The following NR3C2 variants were observed in gnomAD, a reference collection of about 807,000 sequenced individuals.
The protein encoded by NR3C2 is mineralocorticoid receptor.
A neutral mutation model predicts 86.4 loss-of-function variants in NR3C2; 15 were observed. The ratio of observed to expected loss-of-function variants is 0.17; its 90% CI spans 0.12 to 0.27. The LOEUF (loss-of-function observed/expected upper bound fraction) is 0.27, where lower values mean the gene tolerates loss of function less well. NR3C2 is among the 10% of genes least tolerant of loss of function. NR3C2 has a pLI of 1.00. For synonymous variants in NR3C2, 458 were observed against 450.5 expected (o/e 1.02, Z -0.21); for missense variants, 960 against 1,195.6 (o/e 0.80, Z 2.91).
At chr4:148,371,359 T>C (rs1746413413) in intron 2 of NR3C2, among the ~76,000 whole-genome samples, 1 of 152,180 alleles carries the variant, frequency 6.6e-6, no homozygotes, top group Admixed American at 6.5e-5. Flanking sequence ...CTTATAATCA[T>C]ATAATAGAAG....
chr4:148,315,280 T>C (rs868311610), intron 2 of NR3C2, among the ~76,000 whole-genome samples: 3 of 152,156 alleles, frequency 2.0e-5, no homozygotes, highest in African/African-American at 7.2e-5. Context: ...CTCTTGGTGG[T>C]TGGAAGCTGT....
intron 2 of NR3C2, among the ~76,000 whole-genome samples, chr4:148,329,265 TTC>T (rs1261580655): frequency 6.6e-6 from 1 of 152,246 alleles, no homozygotes; most frequent in African/African-American, 2.4e-5. Flanking sequence ...ATCTTTCTTT[TTC>T]TGTTCTTTCT....
intron 2 of NR3C2, among the ~76,000 whole-genome samples, chr4:148,308,122 A>G (rs1433943555): frequency 2.7e-4 from 41 of 152,170 alleles, no homozygotes. Flanking sequence ...GTTCTTTACC[A>G]GAACCCAAGG....
chr4:148,284,457 G>A (rs747630675), intron 2 of NR3C2, among the ~76,000 whole-genome samples: 2 of 152,114 alleles, frequency 1.3e-5, no homozygotes, highest in Non-Finnish European at 2.9e-5. Flanking sequence ...GTCAAGACTA[G>A]GTACTCACGC....
At chr4:148,159,224 G>T (rs12648444) in intron 4 of NR3C2, among the ~76,000 whole-genome samples, 60,094 of 151,890 alleles carry the variant, frequency 0.4, 11,983 homozygotes, top group East Asian at 0.52. Context: ...TGAATAAATT[G>T]ACCTTATTTA....
At chr4:148,309,187 G>A (rs1413424659) in intron 2 of NR3C2, among the ~76,000 whole-genome samples, 1 of 151,982 alleles carries the variant, frequency 6.6e-6, no homozygotes, top group Non-Finnish European at 1.5e-5. Context: ...AGAAAAAGAA[G>A]AAAGAATAAG....
chr4:148,443,950 G>C (rs1476277416), upstream of NR3C2: 1 of 972,958 alleles, frequency 1.0e-6, no homozygotes. Context: ...CCGCGAGCTG[G>C]TCCTGACCCC....
chr4:148,261,316 A>G, intron 2 of NR3C2, among the ~76,000 whole-genome samples: 1 of 150,694 alleles, frequency 6.6e-6, no homozygotes. Flanking sequence ...CGCTATGGTA[A>G]GCGCTATGGT....
chr4:148,374,002 C>G (rs1041668042), intron 2 of NR3C2, among the ~76,000 whole-genome samples: 1 of 152,186 alleles, frequency 6.6e-6, no homozygotes, highest in Non-Finnish European at 1.5e-5. Flanking sequence ...AAGCCTTGCA[C>G]AGACCTCTAC....
intron 2 of NR3C2, among the ~76,000 whole-genome samples, chr4:148,361,092 C>T (rs779199047): frequency 5.9e-5 from 9 of 152,116 alleles, no homozygotes; most frequent in Non-Finnish European, 1.3e-4. Flanking sequence ...TATTCTAGCG[C>T]CTGATAATGA....
intron 3 of NR3C2, among the ~76,000 whole-genome samples, chr4:148,209,900 C>T (rs1327115308): frequency 1.3e-5 from 2 of 152,192 alleles, no homozygotes; most frequent in Non-Finnish European, 2.9e-5. Flanking sequence ...ATGATACTGG[C>T]CTGATCAATT....
At chr4:148,402,638 A>G (rs926711545) in intron 2 of NR3C2, among the ~76,000 whole-genome samples, 6 of 152,236 alleles carry the variant, frequency 3.9e-5, no homozygotes, top group African/African-American at 1.4e-4. Flanking sequence ...CAATCGCTAT[A>G]TAAGTCCTTG....
chr4:148,245,293 T>G (rs1739266021), intron 3 of NR3C2, among the ~76,000 whole-genome samples: 1 of 152,156 alleles, frequency 6.6e-6, no homozygotes. Context: ...TTACCAGATC[T>G]TAATTTTATA....
At chr4:148,393,156 C>T (rs1323050389) in intron 2 of NR3C2, among the ~76,000 whole-genome samples, 1 of 152,184 alleles carries the variant, frequency 6.6e-6, no homozygotes, top group African/African-American at 2.4e-5. Context: ...TGTTTCATCA[C>T]ATGCTTTCCT....
At chr4:148,397,829 T>C (rs1217357675) in intron 2 of NR3C2, among the ~76,000 whole-genome samples, 1 of 152,204 alleles carries the variant, frequency 6.6e-6, no homozygotes, top group African/African-American at 2.4e-5. Flanking sequence ...CTGTATTCAT[T>C]TCCCAGGGCT....
chr4:148,134,468 TCTC>T (rs1560938723), intron 6 of NR3C2, among the ~76,000 whole-genome samples: 2 of 152,066 alleles, frequency 1.3e-5, no homozygotes, highest in South Asian at 2.1e-4. Context: ...TTTCTAACCT[TCTC>T]CTCTACTTCG....
At chr4:148,332,246 A>G (rs1294803411) in intron 2 of NR3C2, among the ~76,000 whole-genome samples, 9 of 152,250 alleles carry the variant, frequency 5.9e-5, no homozygotes, top group Admixed American at 1.3e-4. Context: ...GCATATAATC[A>G]TGGCAACAAA....
intron 2 of NR3C2, among the ~76,000 whole-genome samples, chr4:148,271,142 A>G (rs771603686): frequency 7.2e-5 from 11 of 152,200 alleles, no homozygotes; most frequent in Non-Finnish European, 1.0e-4. Flanking sequence ...CAGACAGTAG[A>G]GTTCTCTTCC....
At chr4:148,362,328 C>T (rs1745879228) in intron 2 of NR3C2, among the ~76,000 whole-genome samples, 1 of 151,972 alleles carries the variant, frequency 6.6e-6, no homozygotes, top group Non-Finnish European at 1.5e-5. Flanking sequence ...CTGAATGCTC[C>T]CAACACAAAA....
Sources: gnomAD v4.1 joint callset for allele counts (sites outside exome capture counted in the v4.1 genomes callset) on GRCh38, gnomAD v4.1.1 for gene constraint, MANE v1.5 for transcripts, NCBI Gene and HGNC (gene_info 2026-07-23, HGNC 2026-07-21) for gene names.